The following ANKFN1 variants were observed in gnomAD, a reference collection of about 807,000 sequenced individuals.
ANKFN1 encodes the protein ankyrin repeat and fibronectin type III domain containing 1.
ANKFN1 carries 74 observed loss-of-function variants against 108.7 expected under a neutral mutation model. The observed-to-expected ratio is 0.68, with a 90% CI of 0.56 to 0.83. The LOEUF is 0.83. ANKFN1 is among the 40% of genes least tolerant of loss of function. The pLI, the probability that ANKFN1 is intolerant of heterozygous loss-of-function variation, is 0.00. For missense variants in ANKFN1, 1,505 were observed against 1,382.3 expected (o/e 1.09, Z -1.41); for synonymous variants, 547 against 516.2 (o/e 1.06, Z -0.81).
intron 1 of ANKFN1, among the ~76,000 whole-genome samples, chr17:56,159,224 C>A (rs71387442): frequency 6.6e-6 from 1 of 152,260 alleles, no homozygotes; most frequent in East Asian, 1.9e-4. Context: ...AAATGATATT[C>A]CATGTGAAGT....
chr17:56,286,179 A>T (rs1268560246), intron 3 of ANKFN1, among the ~76,000 whole-genome samples: 1 of 152,110 alleles, frequency 6.6e-6, no homozygotes, highest in Non-Finnish European at 1.5e-5. Flanking sequence ...CATCTCAAAC[A>T]TTACGAATGG....
chr17:56,475,664 T>G (rs765558975), intron 15 of ANKFN1, among the ~76,000 whole-genome samples: 1 of 152,188 alleles, frequency 6.6e-6, no homozygotes, highest in South Asian at 2.1e-4. Context: ...GGGTACAAAG[T>G]GATGTTTTGA....
upstream of ANKFN1, among the ~76,000 whole-genome samples, chr17:56,149,619 TAAAG>T (rs1347566781): frequency 6.6e-6 from 1 of 152,150 alleles, no homozygotes; most frequent in African/African-American, 2.4e-5. Flanking sequence ...TGGTCACAGG[TAAAG>T]AAAGAGCTTC....
chr17:56,168,697 G>A (rs1235854988), intron 1 of ANKFN1, among the ~76,000 whole-genome samples: 3 of 152,096 alleles, frequency 2.0e-5, no homozygotes, highest in African/African-American at 2.4e-5. Context: ...TTTCACAAAC[G>A]CTTTTAGAAT....
chr17:56,482,003 G>A (rs538040695), intron 17 of ANKFN1, among the ~76,000 whole-genome samples: 2 of 151,576 alleles, frequency 1.3e-5, no homozygotes, highest in East Asian at 1.9e-4. Context: ...CAGAAACTAC[G>A]TTTTTCCCCC....
chr17:56,350,446 G>A lies in ANKFN1; in HGVS notation c.189-320G>A, dbSNP rs1456896628. On this transcript the variant is annotated intron_variant, in intron 4 of 20. Coordinates refer to ENST00000682825, the MANE Select transcript of ANKFN1 (RefSeq NM_001370326.1). The stretch of plus-strand genomic sequence containing the variant: ...TACAGAGAGACACTTCCTCACTTGG[G>A]ATAGAGAAGTAAAGACTTGAGTCGA... 2.0e-5 allele frequency among the ~76,000 whole-genome samples: 3 copies of A among 152,102 alleles called. 1 individual carries two copies. The highest frequency in any genetic ancestry group is 2.0e-4 in the Admixed American group (3 of 15,252).
chr17:56,406,158 G>A (rs557903038), intron 8 of ANKFN1, among the ~76,000 whole-genome samples: 4 of 152,144 alleles, frequency 2.6e-5, no homozygotes, highest in South Asian at 2.1e-4. Context: ...TTAAAATCAC[G>A]TAAGGGCAGT....
intron 4 of ANKFN1, among the ~76,000 whole-genome samples, chr17:56,047,204 G>A (rs751928459): frequency 2.6e-5 from 4 of 152,170 alleles, no homozygotes; most frequent in Non-Finnish European, 5.9e-5. Flanking sequence ...AAAGTTGCCT[G>A]TATCCTGGTT....
chr17:56,122,011 T>C (rs1049232828), intron 4 of ANKFN1, among the ~76,000 whole-genome samples: 6 of 152,174 alleles, frequency 3.9e-5, no homozygotes, highest in Non-Finnish European at 7.4e-5. Context: ...GCTTTATAAC[T>C]GACAAACATT....
At chr17:56,419,825 A>G (rs752006110) in intron 8 of ANKFN1, among the ~76,000 whole-genome samples, 22 of 144,876 alleles carry the variant, frequency 1.5e-4, no homozygotes, top group Admixed American at 2.7e-4. Flanking sequence ...AAAAAAAAAA[A>G]AAAGAAAGAA....
At chr17:56,081,410 T>C (rs1905244694) in intron 4 of ANKFN1, among the ~76,000 whole-genome samples, 1 of 152,120 alleles carries the variant, frequency 6.6e-6, no homozygotes, top group Admixed American at 6.5e-5. Context: ...TGGAGTGCAG[T>C]GGTGTGATCT....
intron 2 of ANKFN1, among the ~76,000 whole-genome samples, chr17:56,225,314 T>C (rs1314623606): frequency 1.3e-5 from 2 of 152,196 alleles, no homozygotes; most frequent in Non-Finnish European, 2.9e-5. Context: ...AGGAGGTTCT[T>C]GATGCATTAA....
At chr17:56,316,286 T>C (rs1271422201) in intron 3 of ANKFN1, among the ~76,000 whole-genome samples, 4 of 152,190 alleles carry the variant, frequency 2.6e-5, no homozygotes, top group South Asian at 4.1e-4. Context: ...CTCACTGTGA[T>C]TAATTACAAA....
rs534256717 is a variant in ANKFN1 at position 56,451,901 on chromosome 17, A to C, written c.1207+2715A>C. The stretch of plus-strand genomic sequence containing the variant: ...TTCCAAATATGGGAGTAATAATAAA[A>C]ATCACTTCTCCTACTAAAATCCTAA... On this transcript the variant is annotated intron_variant, in intron 11 of 20. Transcript: ENST00000682825. Among the ~76,000 whole-genome samples, 5 of 152,328 alleles carry C rather than the reference A, an allele frequency of 3.3e-5. No individual in the cohort carries two copies. The South Asian group carries it at 6.2e-4, about 19-fold the overall frequency.
At chr17:56,296,931 C>T (rs1224706360) in intron 3 of ANKFN1, among the ~76,000 whole-genome samples, 3 of 152,200 alleles carry the variant, frequency 2.0e-5, no homozygotes, top group African/African-American at 7.2e-5. Context: ...GTTCAAGCAA[C>T]ACTTGGTCTC....
At position 56,512,199 on chromosome 17, in the gene ANKFN1, A is replaced by G. The variant is rs1188656302; in HGVS notation, c.*930A>G. 1.3e-5 allele frequency among the ~76,000 whole-genome samples: 2 copies of G among 152,182 alleles called. No homozygotes were observed. Among genetic ancestry groups the G allele is most frequent in the Non-Finnish European group, 2.9e-5 (2 of 68,026 alleles). ...GCTGTGTCTCTGAAAATCATAGTGG[A>G]TCAGCTCCAGATTCTTTGGTGATGA... On this transcript the variant is annotated 3_prime_UTR_variant, in exon 21 of 21. Transcript: ENST00000682825.
chr17:56,158,769 C>A (rs1405810468), intron 1 of ANKFN1, among the ~76,000 whole-genome samples: 1 of 151,970 alleles, frequency 6.6e-6, no homozygotes, highest in Admixed American at 6.6e-5. Context: ...CATGTATTTT[C>A]CCCCCTAAAA....
At chr17:56,304,754 C>T (rs1711012672) in intron 3 of ANKFN1, among the ~76,000 whole-genome samples, 1 of 151,994 alleles carries the variant, frequency 6.6e-6, no homozygotes, top group Admixed American at 6.6e-5. Flanking sequence ...AATATAATTT[C>T]ACATACTTAT....
chr17:56,474,592 AG>A (rs2145335295), intron 15 of ANKFN1, among the ~76,000 whole-genome samples: 1 of 152,274 alleles, frequency 6.6e-6, no homozygotes, highest in Non-Finnish European at 1.5e-5. Flanking sequence ...TCTGGTCTTT[AG>A]GGACTTCTCC....
Sources: gnomAD v4.1 joint callset for allele counts (sites outside exome capture counted in the v4.1 genomes callset) on GRCh38, gnomAD v4.1.1 for gene constraint, MANE v1.5 for transcripts, NCBI Gene and HGNC (gene_info 2026-07-23, HGNC 2026-07-21) for gene names.